The following PDLIM1 variants were observed in gnomAD, a reference collection of about 807,000 sequenced individuals.
The protein encoded by PDLIM1 is PDZ and LIM domain protein 1.
A neutral mutation model predicts 35.2 loss-of-function variants in PDLIM1; 25 were observed. The ratio of observed to expected loss-of-function variants is 0.71; its 90% CI spans 0.52 to 0.99. PDLIM1 has a LOEUF of 0.99. Ranked by LOEUF, PDLIM1 falls within the 50% of genes least tolerant of loss-of-function variation. PDLIM1 has a pLI of 0.00. For synonymous variants in PDLIM1, 152 were observed against 154.0 expected (o/e 0.99, Z 0.10); for missense variants, 363 against 415.3 (o/e 0.87, Z 1.09).
At chr10:95,238,177 G>A in intron 6 of PDLIM1, 66 bp from the exon 7 acceptor site, 1 of 1,441,344 alleles carries the variant, frequency 6.9e-7, no homozygotes, top group African/African-American at 1.4e-5. Context: ...ACCTGAGCAG[G>A]TGGCACCATC....
At chr10:95,241,732 C>T (rs1398368749) in intron 5 of PDLIM1, among the ~76,000 whole-genome samples, 2 of 152,210 alleles carry the variant, frequency 1.3e-5, no homozygotes, top group Non-Finnish European at 2.9e-5. Context: ...TGGTTTGGCC[C>T]TGTTCCCACA....
chr10:95,283,714 T>C (rs988375460), intron 1 of PDLIM1, among the ~76,000 whole-genome samples: 2 of 152,206 alleles, frequency 1.3e-5, no homozygotes, highest in African/African-American at 4.8e-5. Flanking sequence ...TAACCTTTAC[T>C]GAAGGATGAC....
chr10:95,282,930 C>G (rs1019244180), intron 1 of PDLIM1, among the ~76,000 whole-genome samples: 2 of 152,158 alleles, frequency 1.3e-5, no homozygotes, highest in Non-Finnish European at 2.9e-5. Flanking sequence ...GGCGACAGAG[C>G]GAGACTCCGT....
chr10:95,275,887 CTTTG>C (rs2035507014), intron 1 of PDLIM1, among the ~76,000 whole-genome samples: 2 of 150,056 alleles, frequency 1.3e-5, no homozygotes, highest in African/African-American at 4.8e-5. Flanking sequence ...AGTATAATTT[CTTTG>C]TTTTTTTTTT....
chr10:95,277,647 A>AAATAC (rs1177369938), intron 1 of PDLIM1, among the ~76,000 whole-genome samples: 1 of 151,828 alleles, frequency 6.6e-6, no homozygotes, highest in African/African-American at 2.4e-5. Flanking sequence ...TCTAAAAATA[A>AAATAC]AATAAAATAA....
chr10:95,242,734 TC>T (rs1564597287), intron 5 of PDLIM1, among the ~76,000 whole-genome samples: 1 of 151,808 alleles, frequency 6.6e-6, no homozygotes, highest in Non-Finnish European at 1.5e-5. Context: ...CTCACCCTGA[TC>T]CTGGCCCTTC....
At chr10:95,280,647 CA>C (rs1169543712) in intron 1 of PDLIM1, among the ~76,000 whole-genome samples, 1 of 152,098 alleles carries the variant, frequency 6.6e-6, no homozygotes, top group African/African-American at 2.4e-5. Context: ...AAATATTTGT[CA>C]AATGGTTTAA....
intron 1 of PDLIM1, among the ~76,000 whole-genome samples, chr10:95,274,234 C>T (rs546976062): frequency 6.6e-6 from 1 of 151,346 alleles, no homozygotes; most frequent in East Asian, 1.9e-4. Context: ...TGTAAACAAC[C>T]CTTCTTCTCA....
intron 5 of PDLIM1, among the ~76,000 whole-genome samples, chr10:95,242,236 A>C (rs11188248): frequency 0.68 from 103,546 of 152,080 alleles, 38,196 homozygotes; most frequent in Middle Eastern, 0.86. Context: ...GCCTAGGGCA[A>C]CTTCTTGCCC....
rs575146965 is a variant in PDLIM1 at position 95,249,191 on chromosome 10, C to T, written c.534-1825G>A. On this transcript the variant is annotated intron_variant, in intron 4 of 6. Coordinates refer to ENST00000329399, the MANE Select transcript of PDLIM1 (RefSeq NM_020992.4). ...ACACTGCAGAATGGGTCCAGGGCCTCCTTCCTCCTTGCTGTGCTCCCCCTG... is the reference window on the plus strand; with the variant it reads ...ACACTGCAGAATGGGTCCAGGGCCTTCTTCCTCCTTGCTGTGCTCCCCCTG... Among the ~76,000 whole-genome samples, 7 of 152,324 alleles carry T rather than the reference C, an allele frequency of 4.6e-5. No individual in the cohort carries two copies. In the East Asian group the frequency reaches 7.7e-4, roughly 17 times the overall value.
chr10:95,280,936 A>G (rs924448356), intron 1 of PDLIM1, among the ~76,000 whole-genome samples: 2 of 152,188 alleles, frequency 1.3e-5, no homozygotes, highest in South Asian at 4.1e-4. Flanking sequence ...CAGGGATTCA[A>G]AATATAGATA....
chr10:95,277,293 C>T (rs1315481319), intron 1 of PDLIM1, among the ~76,000 whole-genome samples: 1 of 151,882 alleles, frequency 6.6e-6, no homozygotes, highest in Non-Finnish European at 1.5e-5. Context: ...TCCCCAGAGA[C>T]CATACAACTA....
At chr10:95,256,984 AAAAAAGAAAGAAAGAAAG>A (rs2035317065) in intron 4 of PDLIM1, among the ~76,000 whole-genome samples, 1 of 138,770 alleles carries the variant, frequency 7.2e-6, no homozygotes, top group Non-Finnish European at 1.6e-5. Context: ...TAAAAAAAAA[AAAAAAGAAAGAAAGAAAG>A]AAAGAAAGAA....
rs765114326 is a variant in PDLIM1 at position 95,264,066 on chromosome 10, G to T, written c.334-3C>A. ...GCGCTTCCTATGTGCAGGACCTCCT[G>T]CAGGCAGGGATCAGAGGAGAAATCA... On this transcript the variant is annotated splice_polypyrimidine_tract_variant and splice_region_variant and intron_variant, in intron 3 of 6. Coordinates refer to ENST00000329399, the MANE Select transcript of PDLIM1 (RefSeq NM_020992.4). 1 of 1,612,864 alleles carries T rather than the reference G, an allele frequency of 6.2e-7. No homozygotes were observed. Among genetic ancestry groups the T allele is most frequent in the Admixed American group, 1.7e-5 (1 of 60,004 alleles).
intron 1 of PDLIM1, 120 bp from the exon 2 acceptor site, chr10:95,271,904 A>G (rs2035468198): frequency 2.5e-6 from 2 of 798,406 alleles, no homozygotes; most frequent in South Asian, 1.7e-5. Flanking sequence ...GGCTGAAATC[A>G]TAGCTTAAAT....
At chr10:95,268,940 C>T (rs764336111) in intron 2 of PDLIM1, 78 bp from the exon 3 acceptor site, 10 of 1,021,042 alleles carry the variant, frequency 9.8e-6, no homozygotes, top group Non-Finnish European at 1.5e-5. Context: ...GGAAAAATGC[C>T]CCCTCTTTCC....
At chr10:95,289,687 T>C (rs2035635107) in intron 1 of PDLIM1, among the ~76,000 whole-genome samples, 1 of 152,194 alleles carries the variant, frequency 6.6e-6, no homozygotes, top group Non-Finnish European at 1.5e-5. Context: ...TTCTCCACCC[T>C]TCCCCCAACC....
chr10:95,290,754 G>A lies in PDLIM1; in HGVS notation c.96+66C>T. 1 of 1,163,348 alleles carries A rather than the reference G, an allele frequency of 8.6e-7. No homozygotes were observed. Among genetic ancestry groups the A allele is most frequent in the Non-Finnish European group, 1.2e-6 (1 of 842,160 alleles). The allele number at this position is 1,163,348 out of a possible 1,614,324, so 72.1% of individuals were successfully genotyped here. ...ACTCCGTCCCCGACCGCGCCCGCGGGGCCCCAGTCTCCGCATATCACCTCC... is the reference window on the plus strand; with the variant it reads ...ACTCCGTCCCCGACCGCGCCCGCGGAGCCCCAGTCTCCGCATATCACCTCC... On this transcript the variant is annotated intron_variant, in intron 1 of 6. Transcript: ENST00000329399. The surrounding 1 kb of genome is among the most constrained non-coding windows in gnomAD (Gnocchi z 4.7).
intron 1 of PDLIM1, among the ~76,000 whole-genome samples, chr10:95,289,007 TCA>T (rs1175661843): frequency 2.0e-5 from 3 of 152,242 alleles, no homozygotes; most frequent in African/African-American, 7.2e-5. Flanking sequence ...ACCAATGAAT[TCA>T]CAGTGTGGTG....
Sources: allele counts gnomAD v4.1 joint callset (sites outside exome capture counted in the v4.1 genomes callset), GRCh38; gene constraint gnomAD v4.1.1; non-coding constraint Gnocchi (gnomAD v3.1); transcripts MANE v1.5; gene names NCBI Gene and HGNC (gene_info 2026-07-23, HGNC 2026-07-21).